SORCS1: variants seen among roughly 807,000 people sequenced by gnomAD.
SORCS1 encodes the protein VPS10 domain-containing receptor SorCS1.
SORCS1 carries 60 observed loss-of-function variants against 146.1 expected under a neutral mutation model. That is an observed-to-expected ratio of 0.41 (90% confidence interval 0.33 to 0.51). The LOEUF (loss-of-function observed/expected upper bound fraction) is 0.51, where lower values mean the gene tolerates loss of function less well. Ranked by LOEUF, SORCS1 falls within the 20% of genes least tolerant of loss-of-function variation. The probability of loss-of-function intolerance (pLI) is 0.21; values close to 1 mark genes in which losing one functional copy is unlikely to be tolerated. For synonymous variants in SORCS1, 637 were observed against 584.0 expected (o/e 1.09, Z -1.31); for missense variants, 1,352 against 1,487.6 (o/e 0.91, Z 1.50).
chr10:107,093,669 A>ACGC lies in SORCS1; in HGVS notation c.558+70299_558+70300insGCG, dbSNP rs1190611899. Among the ~76,000 whole-genome samples, 14 of 122,506 alleles carry ACGC rather than the reference A, an allele frequency of 1.1e-4. No homozygotes were observed. In the East Asian group the frequency reaches 2.8e-3, roughly 25 times the overall value. 80.4% of individuals were successfully genotyped at this position (122,506 alleles called of 152,430 possible). ...GCATCCAGCCTGGCGACAGAGTGAG[A>ACGC]CTCAGTCTCAAAAAAAAAAAAAAAC... On this transcript the variant is annotated intron_variant, in intron 1 of 25. Coordinates refer to ENST00000263054, the MANE Select transcript of SORCS1 (RefSeq NM_052918.5).
chr10:106,899,313 G>A (rs1403771780), intron 2 of SORCS1, among the ~76,000 whole-genome samples: 2 of 152,186 alleles, frequency 1.3e-5, no homozygotes, highest in Admixed American at 1.3e-4. Context: ...TATGTAGACT[G>A]AGAACTAAAC....
rs181409879 is a variant in SORCS1, at chr10:107,021,471, G to A, written c.559-64891C>T. 2.2e-4 allele frequency among the ~76,000 whole-genome samples: 28 copies of A among 125,384 alleles called. No individual in the cohort carries two copies. The East Asian group carries it at 6.1e-3, about 27-fold the overall frequency. 82.3% of individuals were successfully genotyped at this position (125,384 alleles called of 152,430 possible). ...AGAACTTGCAGTGAGCCGAGAACTC[G>A]CCACTGCACTCCAGTCTAGGCAACA... On this transcript the variant is annotated intron_variant, in intron 1 of 25. Coordinates refer to ENST00000263054, the MANE Select transcript of SORCS1 (RefSeq NM_052918.5).
In SORCS1 at chr10:106,918,871, C is replaced by A. The variant is rs150110300; in HGVS notation, c.626+37642G>T. 7.8e-3 allele frequency among the ~76,000 whole-genome samples: 1,183 copies of A among 151,894 alleles called. 15 individuals are homozygous for A. The highest frequency in any genetic ancestry group is 0.027 in the African/African-American group (1,126 of 41,410). On this transcript the variant is annotated intron_variant, in intron 2 of 25. Transcript: ENST00000263054. ...TTTTTTTCCTTGGGACAGTATCATT[C>A]TGTTGCTCAGGCTGGAGTACAGTGG...
chr10:106,928,707 A>G (rs543405189), intron 2 of SORCS1, among the ~76,000 whole-genome samples: 2 of 152,264 alleles, frequency 1.3e-5, no homozygotes, highest in East Asian at 3.9e-4. Context: ...CTCACATCTC[A>G]CATAGACTAT....
chr10:106,767,252 A>T (rs1412151355), intron 4 of SORCS1, among the ~76,000 whole-genome samples: 5 of 152,160 alleles, frequency 3.3e-5, no homozygotes, highest in Non-Finnish European at 7.4e-5. Context: ...GGATTTATCA[A>T]ATTTGTCACT....
At chr10:107,146,760 C>T (rs1407150253) in intron 1 of SORCS1, among the ~76,000 whole-genome samples, 1 of 152,136 alleles carries the variant, frequency 6.6e-6, no homozygotes, top group Non-Finnish European at 1.5e-5. Flanking sequence ...ACTCCCAATT[C>T]TACCATCTGC....
chr10:106,582,107 G>A lies in SORCS1; in HGVS notation c.3266-2633C>T, dbSNP rs114568270. ...AAGCTGTCAGCAACACAGCAAACTC[G>A]CATATGCATGCATGCACACACACAA... is the stretch of plus-strand genomic sequence containing the variant. On this transcript the variant is annotated intron_variant, in intron 24 of 25. Transcript: ENST00000263054. 7.8e-3 allele frequency among the ~76,000 whole-genome samples: 1,180 copies of A among 150,878 alleles called. 15 individuals carry two copies. The highest frequency in any genetic ancestry group is 0.027 in the African/African-American group (1,119 of 41,000).
intron 3 of SORCS1, among the ~76,000 whole-genome samples, chr10:106,813,175 C>T (rs1014208337): frequency 2.7e-5 from 4 of 146,286 alleles, no homozygotes; most frequent in African/African-American, 1.0e-4. Flanking sequence ...CACTGTCGCC[C>T]TCGCTGGAGT....
At chr10:106,865,668 G>A (rs1189146922) in intron 2 of SORCS1, among the ~76,000 whole-genome samples, 1 of 151,338 alleles carries the variant, frequency 6.6e-6, no homozygotes, top group Non-Finnish European at 1.5e-5. Context: ...AGGTTGCAGT[G>A]AGCCAAGATT....
intron 1 of SORCS1, among the ~76,000 whole-genome samples, chr10:107,086,323 T>G (rs1044358293): frequency 6.6e-6 from 1 of 152,210 alleles, no homozygotes; most frequent in African/African-American, 2.4e-5. Context: ...ACAGGTGGAT[T>G]ATTTTGGGAG....
intron 1 of SORCS1, among the ~76,000 whole-genome samples, chr10:107,089,451 T>C (rs1049057487): frequency 2.4e-4 from 36 of 152,196 alleles, no homozygotes; most frequent in African/African-American, 8.2e-4. Flanking sequence ...AAATCTATCT[T>C]GTCTTTAAAA....
chr10:106,931,811 G>A (rs1953435663), intron 2 of SORCS1, among the ~76,000 whole-genome samples: 2 of 152,128 alleles, frequency 1.3e-5, no homozygotes, highest in African/African-American at 4.8e-5. Flanking sequence ...TGCCTGCCAT[G>A]CTGTGTATTA....
At chr10:106,612,808 G>A (rs1418763184) in intron 21 of SORCS1, among the ~76,000 whole-genome samples, 1 of 152,048 alleles carries the variant, frequency 6.6e-6, no homozygotes, top group Non-Finnish European at 1.5e-5. Context: ...CCTAGTTCTA[G>A]GTTCTGCGCT....
At chr10:106,841,790 C>T (rs1949056926) in intron 2 of SORCS1, among the ~76,000 whole-genome samples, 1 of 152,028 alleles carries the variant, frequency 6.6e-6, no homozygotes, top group Non-Finnish European at 1.5e-5. Context: ...GAATAATGTC[C>T]CTTTGTCTGG....
intron 1 of SORCS1, among the ~76,000 whole-genome samples, chr10:107,084,786 A>C (rs1255503091): frequency 6.6e-6 from 1 of 152,150 alleles, no homozygotes; most frequent in Admixed American, 6.5e-5. Context: ...CAAAACCACA[A>C]ATACTAAGTA....
At chr10:106,618,959 T>G (rs1847561572) in intron 20 of SORCS1, among the ~76,000 whole-genome samples, 1 of 152,102 alleles carries the variant, frequency 6.6e-6, no homozygotes, top group African/African-American at 2.4e-5. Flanking sequence ...GGAAAAAATA[T>G]TAGCCTACTG....
chr10:106,577,741 A>T, intron 25 of SORCS1, 186 bp from the exon 26 acceptor site: 1 of 1,223,856 alleles, frequency 8.2e-7, no homozygotes, highest in Non-Finnish European at 1.1e-6. Context: ...CCAAAAATGC[A>T]CTTAGAAGCT....
intron 2 of SORCS1, among the ~76,000 whole-genome samples, chr10:106,897,054 CTAATT>C (rs1333686927): frequency 1.3e-5 from 2 of 151,984 alleles, no homozygotes; most frequent in Non-Finnish European, 2.9e-5. Flanking sequence ...CCGCGCCCGG[CTAATT>C]TTTTTGTATT....
chr10:106,734,873 T>C (rs1393104598), intron 5 of SORCS1, among the ~76,000 whole-genome samples: 2 of 152,080 alleles, frequency 1.3e-5, no homozygotes, highest in East Asian at 1.9e-4. Flanking sequence ...TGTATGCTGG[T>C]ATTAAAAAAC....
Sources: gnomAD v4.1 joint callset for allele counts (sites outside exome capture counted in the v4.1 genomes callset) on GRCh38, gnomAD v4.1.1 for gene constraint, MANE v1.5 for transcripts, NCBI Gene and HGNC (gene_info 2026-07-23, HGNC 2026-07-21) for gene names.